CAPN9: variants seen among roughly 807,000 people sequenced by gnomAD.
CAPN9 encodes calpain 9, also known as calpain-9.
A neutral mutation model predicts 92.8 loss-of-function variants in CAPN9; 81 were observed. The ratio of observed to expected loss-of-function variants is 0.87; its 90% CI spans 0.73 to 1.05. The LOEUF is 1.05. Among genes scored for constraint, CAPN9 ranks in the 50% least tolerant of loss-of-function variants. CAPN9 has a pLI of 0.00. For synonymous variants in CAPN9, 304 were observed against 328.0 expected, an observed-to-expected ratio of 0.93 and a Z score of 0.79; for missense variants, 848 against 866.2, an observed-to-expected ratio of 0.98 and a Z score of 0.26.
intron 7 of CAPN9, among the ~76,000 whole-genome samples, chr1:230,772,720 C>T (rs1386987879): frequency 6.9e-6 from 1 of 144,648 alleles, no homozygotes; most frequent in African/African-American, 2.6e-5. Flanking sequence ...CCAGCCTGGG[C>T]AACAGAGCAT....
rs34471137 is a variant in CAPN9, at chr1:230,796,029, T to TAA, written c.1987+763_1987+764dup. On this transcript the variant is annotated intron_variant, in intron 18 of 19. Coordinates refer to ENST00000271971, the MANE Select transcript of CAPN9 (RefSeq NM_006615.3). The stretch of plus-strand genomic sequence containing the variant: ...CCACTTCGAGGTATGAATACTTGAT[T>TAA]AAAAAAAAAAAAAAGGCAGGGGGCT... Among the ~76,000 whole-genome samples the TAA allele has an allele frequency of 2.3e-3, 318 of 139,812 alleles. 1 individual carries two copies. The highest frequency in any genetic ancestry group is 6.4e-3 in the South Asian group (28 of 4,364). 91.7% of individuals were successfully genotyped at this position (139,812 alleles called of 152,430 possible).
At chr1:230,801,426 C>A in intron 19 of CAPN9, 144 bp from the exon 20 acceptor site, 1 of 796,200 alleles carries the variant, frequency 1.3e-6, no homozygotes, top group Non-Finnish European at 2.2e-6. Flanking sequence ...TGGTTTCCTG[C>A]TGAGACAGAC....
chr1:230,780,831 A>C (rs539617985), intron 11 of CAPN9, 123 bp downstream of exon 11: 2 of 675,096 alleles, frequency 3.0e-6, no homozygotes, highest in Admixed American at 5.3e-5. Context: ...CCTGAGAAAC[A>C]AGGCAGGATG....
rs772050221 is a variant in CAPN9 at position 230,787,513 on chromosome 1, G to GT, written c.1519-3dup. 1 of 1,612,656 alleles carries GT rather than the reference G, an allele frequency of 6.2e-7. No homozygotes were observed. Among genetic ancestry groups the GT allele is most frequent in the Admixed American group, 1.7e-5 (1 of 59,946 alleles). On this transcript the variant is annotated splice_polypyrimidine_tract_variant and intron_variant, in intron 12 of 19. Transcript: ENST00000271971. ...TCATTTTGTGCAAGTTTCTTTGGCT[G>GT]TTTTTTAGCCTCCAAAGCCAACTCC...
At chr1:230,778,223 T>A (rs928271665) in intron 8 of CAPN9, among the ~76,000 whole-genome samples, 1 of 152,082 alleles carries the variant, frequency 6.6e-6, no homozygotes, top group Non-Finnish European at 1.5e-5. Flanking sequence ...CATTAGCAAA[T>A]CCTATAAAAT....
At chr1:230,798,094 C>A in intron 18 of CAPN9, 68 bp from the exon 19 acceptor site, 1 of 1,201,586 alleles carries the variant, frequency 8.3e-7, no homozygotes, top group South Asian at 1.3e-5. Flanking sequence ...GCCCTTTGGT[C>A]GCTGGGAAAC....
chr1:230,747,964 G>A (rs1023736289), intron 1 of CAPN9, among the ~76,000 whole-genome samples: 1 of 152,152 alleles, frequency 6.6e-6, no homozygotes, highest in Non-Finnish European at 1.5e-5. Context: ...CTCCCACCGA[G>A]GCTGAGGACC....
intron 5 of CAPN9, 84 bp from the exon 6 acceptor site, chr1:230,769,096 G>A (rs905639433): frequency 5.7e-5 from 62 of 1,086,518 alleles, no homozygotes; most frequent in African/African-American, 1.3e-4. Context: ...GGTTGTGACC[G>A]GGCCAGGCAT....
chr1:230,782,779 G>A (rs571054065), intron 11 of CAPN9, among the ~76,000 whole-genome samples: 17 of 152,198 alleles, frequency 1.1e-4, no homozygotes, highest in Non-Finnish European at 2.2e-4. Context: ...CACTTTGGGA[G>A]GCCGAGGCAG....
rs981796912 is a variant in CAPN9, at chr1:230,795,012, A to G, written c.1871-151A>G. 96 of 630,054 alleles carry G rather than the reference A, an allele frequency of 1.5e-4. No homozygotes were observed. The African/African-American group carries it at 1.5e-3, about 10-fold the overall frequency. The allele number at this position is 630,054 out of a possible 1,614,324, so 39.0% of individuals were successfully genotyped here. A position where few individuals can be genotyped will look rare whatever the true frequency, so the allele number is the denominator to read the frequency against. ...CATTCACACCAAGGGCAGCAGTCCC[A>G]CTGGGTCTGGGGACCCCAGCTTTGA... is the stretch of plus-strand genomic sequence containing the variant. On this transcript the variant is annotated intron_variant, in intron 17 of 19. Coordinates refer to ENST00000271971, the MANE Select transcript of CAPN9 (RefSeq NM_006615.3).
intron 19 of CAPN9, among the ~76,000 whole-genome samples, chr1:230,798,665 A>G (rs1668499004): frequency 6.6e-6 from 1 of 152,170 alleles, no homozygotes; most frequent in African/African-American, 2.4e-5. Context: ...TACCGGGGCC[A>G]TTGTAGCAAT....
At chr1:230,759,662 C>A in intron 3 of CAPN9, 32 bp downstream of exon 3, 2 of 1,442,178 alleles carry the variant, frequency 1.4e-6, no homozygotes, top group South Asian at 1.3e-5. Context: ...GTGGGTTTAC[C>A]TCTCTGGGGC....
intron 7 of CAPN9, 138 bp from the exon 8 acceptor site, chr1:230,774,416 G>T (rs773261552): frequency 2.6e-5 from 17 of 658,300 alleles, no homozygotes; most frequent in Non-Finnish European, 3.3e-5. Context: ...ACATCCCTGG[G>T]TGCATTTTTG....
At chr1:230,766,403 A>G (rs1665987616) in intron 4 of CAPN9, among the ~76,000 whole-genome samples, 1 of 152,240 alleles carries the variant, frequency 6.6e-6, no homozygotes, top group Non-Finnish European at 1.5e-5. Flanking sequence ...GGTAATTGAG[A>G]TACTTATCAC....
intron 1 of CAPN9, among the ~76,000 whole-genome samples, chr1:230,750,311 C>G (rs1664684758): frequency 6.6e-6 from 1 of 152,212 alleles, no homozygotes; most frequent in Non-Finnish European, 1.5e-5. Context: ...CCCAGGTCTA[C>G]TGTGTTGCTG....
rs752347458 is a variant in CAPN9 at position 230,767,639 on chromosome 1, C to A, written c.635C>A (p.Ala212Asp). 1 of 1,613,858 alleles carries A rather than the reference C, an allele frequency of 6.2e-7. No individual in the cohort carries two copies. Among genetic ancestry groups the A allele is most frequent in the Non-Finnish European group, 8.5e-7 (1 of 1,179,906 alleles). The change falls in exon 5 of 20, where the codon GCC becomes GAC. Residue 212 changes from alanine to aspartate, a missense_variant. Transcript: ENST00000271971. Reference protein sequence around the residue: ...GVAETFQTKEAPENFYEILEK... With the variant: ...GVAETFQTKEDPENFYEILEK... Reference sequence around the variant, plus strand: ...GCAGAGACCTTCCAAACTAAAGAGGCCCCCGAGAACTTCTATGAGATTCTA... The same window carrying A: ...GCAGAGACCTTCCAAACTAAAGAGGACCCCGAGAACTTCTATGAGATTCTA...
Position 230,780,560 on chromosome 1 carries a change from A to G in CAPN9, c.1333A>G (p.Arg445Gly), listed in dbSNP as rs1667149563. Residue 445 changes from arginine (R) to glycine (G), a missense_variant, in exon 11 of 20, where the codon AGA (arginine) becomes GGA (glycine). Coordinates refer to ENST00000271971, the MANE Select transcript of CAPN9 (RefSeq NM_006615.3). ...CTTCAGATACCACGCTTCTCGGGCC[A>G]GAAGCAAGACGTTCATCAACCTGAG... ...DFFRYHASRA[R>G]SKTFINLREV... 2 of 1,614,206 alleles carry G rather than the reference A, an allele frequency of 1.2e-6. No individual in the cohort carries two copies. Among genetic ancestry groups the G allele is most frequent in the Non-Finnish European group, 8.5e-7 (1 of 1,180,046 alleles).
intron 11 of CAPN9, among the ~76,000 whole-genome samples, chr1:230,784,690 C>T (rs959761648): frequency 6.6e-6 from 1 of 152,394 alleles, no homozygotes; most frequent in African/African-American, 2.4e-5. Context: ...TATGGAAAAG[C>T]CTGCATGCCT....
chr1:230,750,437 G>A (rs1664693241), intron 1 of CAPN9, among the ~76,000 whole-genome samples: 2 of 152,144 alleles, frequency 1.3e-5, no homozygotes, highest in Non-Finnish European at 2.9e-5. Flanking sequence ...CTTATTTAGG[G>A]GAGTTAGAAG....
Sources: gnomAD v4.1 joint callset for allele counts (sites outside exome capture counted in the v4.1 genomes callset) on GRCh38, gnomAD v4.1.1 for gene constraint, MANE v1.5 for transcripts, NCBI Gene and HGNC (gene_info 2026-07-23, HGNC 2026-07-21) for gene names.